Variants in PCDH9 observed in about 807,000 individuals in gnomAD.
PCDH9 encodes protocadherin-9.
In PCDH9, 24 loss-of-function variants were observed where a neutral mutation model predicts 70.6. The observed-to-expected ratio is 0.34, with a 90% CI of 0.25 to 0.48. The LOEUF is 0.48. Ranked by LOEUF, PCDH9 falls within the 20% of genes least tolerant of loss-of-function variation. The probability of loss-of-function intolerance (pLI) is 0.99; values close to 1 mark genes in which losing one functional copy is unlikely to be tolerated. For missense variants in PCDH9, 1,281 were observed against 1,503.6 expected (o/e 0.85, Z 2.45); for synonymous variants, 562 against 558.5 (o/e 1.01, Z -0.09).
At chr13:66,502,371 G>C (rs1959181155) in intron 4 of PCDH9, among the ~76,000 whole-genome samples, 1 of 152,070 alleles carries the variant, frequency 6.6e-6, no homozygotes, top group African/African-American at 2.4e-5. Context: ...GGGCAGAGCT[G>C]TTCCATATAA....
In PCDH9 at chr13:66,982,771, T is replaced by C. The variant is rs182737322; in HGVS notation, c.3037-79166A>G. On this transcript the variant is annotated intron_variant, in intron 2 of 4. Transcript: ENST00000377865. ...TTCTGGAAAAAGAGAAAACAACACC[T>C]GGATTCTTCAATCTCGCTGGCAACA... Among the ~76,000 whole-genome samples the C allele has an allele frequency of 2.8e-4, 43 of 152,328 alleles. No individual in the cohort carries two copies. In the Middle Eastern group the frequency reaches 0.017, roughly 60 times the overall value.
chr13:66,746,758 G>T (rs2079371161), intron 3 of PCDH9, among the ~76,000 whole-genome samples: 2 of 152,074 alleles, frequency 1.3e-5, no homozygotes, highest in Non-Finnish European at 2.9e-5. Context: ...TTTCACTACT[G>T]AAAGTCAAAT....
At chr13:66,326,069 C>A (rs1158090324) in intron 4 of PCDH9, among the ~76,000 whole-genome samples, 1 of 152,128 alleles carries the variant, frequency 6.6e-6, no homozygotes, top group East Asian at 1.9e-4. Flanking sequence ...AAAACTCCAA[C>A]CGCCTTGTTT....
intron 2 of PCDH9, among the ~76,000 whole-genome samples, chr13:67,000,153 T>C (rs2084209441): frequency 6.6e-6 from 1 of 152,034 alleles, no homozygotes; most frequent in Admixed American, 6.6e-5. Flanking sequence ...TATGCAGCCA[T>C]AAAAAATGAT....
chr13:66,320,685 G>A (rs1416740331), intron 4 of PCDH9, among the ~76,000 whole-genome samples: 1 of 151,780 alleles, frequency 6.6e-6, no homozygotes, highest in African/African-American at 2.4e-5. Context: ...TGTATCTTGG[G>A]AGAATCTGTA....
chr13:67,074,466 T>C (rs907047230), intron 2 of PCDH9, among the ~76,000 whole-genome samples: 9 of 152,158 alleles, frequency 5.9e-5, no homozygotes, highest in Non-Finnish European at 8.8e-5. Context: ...ATTTTTGTTA[T>C]AGCATCTGGG....
chr13:66,754,745 G>A (rs1442018), intron 3 of PCDH9, among the ~76,000 whole-genome samples: 68,247 of 151,774 alleles, frequency 0.45, 16,289 homozygotes, highest in African/African-American at 0.61. Flanking sequence ...AACTTTAGTC[G>A]TTCCTAGATC....
In PCDH9 at chr13:66,733,404, C is replaced by A. The variant is rs375541148; in HGVS notation, c.3139-101993G>T. Among the ~76,000 whole-genome samples the A allele has an allele frequency of 2.0e-4, 31 of 152,240 alleles. No individual in the cohort carries two copies. In the South Asian group the frequency reaches 2.7e-3, roughly 13 times the overall value. On this transcript the variant is annotated intron_variant, in intron 3 of 4. Transcript: ENST00000377865. ...TAATTATTTAGATCACCTTCCTCCACACTAATTATTTTTGATGGATAAATT... is the reference window on the plus strand; with the variant it reads ...TAATTATTTAGATCACCTTCCTCCAAACTAATTATTTTTGATGGATAAATT...
Position 66,932,764 on chromosome 13 carries a change from T to C in PCDH9, c.3037-29159A>G, listed in dbSNP as rs1428026408. Among the ~76,000 whole-genome samples, 11 of 150,386 alleles carry C rather than the reference T, an allele frequency of 7.3e-5. No homozygotes were observed. The South Asian group carries it at 2.1e-3, about 29-fold the overall frequency. ...ATATCATATAATGAACTTGCAAAGC[T>C]CTTTTAACTTATACATTACAAATTC... On this transcript the variant is annotated intron_variant, in intron 2 of 4. Transcript: ENST00000377865.
chr13:66,312,440 G>A (rs1955578216), intron 4 of PCDH9, among the ~76,000 whole-genome samples: 1 of 151,826 alleles, frequency 6.6e-6, no homozygotes, highest in African/African-American at 2.4e-5. Flanking sequence ...GTGAAACACC[G>A]GCTCTACAAA....
At chr13:67,013,795 C>T (rs1249632148) in intron 2 of PCDH9, among the ~76,000 whole-genome samples, 1 of 151,604 alleles carries the variant, frequency 6.6e-6, no homozygotes, top group Non-Finnish European at 1.5e-5. Context: ...TTGAGAAAAA[C>T]AGGTTTAACA....
chr13:66,707,651 T>C (rs1361822702), intron 3 of PCDH9, among the ~76,000 whole-genome samples: 1 of 152,180 alleles, frequency 6.6e-6, no homozygotes, highest in African/African-American at 2.4e-5. Flanking sequence ...AGATGACAAA[T>C]TAGCAGAAAT....
At chr13:66,330,165 TCA>T (rs1955918264) in intron 4 of PCDH9, among the ~76,000 whole-genome samples, 1 of 152,222 alleles carries the variant, frequency 6.6e-6, no homozygotes, top group Non-Finnish European at 1.5e-5. Context: ...AGAAGTCTGT[TCA>T]GTACTTATTT....
intron 3 of PCDH9, among the ~76,000 whole-genome samples, chr13:66,850,930 T>C (rs138008917): frequency 2.0e-4 from 31 of 152,330 alleles, no homozygotes; most frequent in African/African-American, 5.3e-4. Flanking sequence ...ATAGTGTACT[T>C]ACAGACAAGC....
intron 4 of PCDH9, chr13:66,323,412 T>C (rs1019721761): frequency 3.3e-5 from 5 of 152,124 alleles, no homozygotes; most frequent in Admixed American, 1.3e-4. Context: ...GAGTAAGTCG[T>C]TTATAGGCAA....
intron 4 of PCDH9, among the ~76,000 whole-genome samples, chr13:66,442,622 G>A (rs560643709): frequency 6.6e-6 from 1 of 151,334 alleles, no homozygotes; most frequent in African/African-American, 2.4e-5. Context: ...CTCACAGTAA[G>A]AACTAATAGT....
At chr13:66,865,572 T>G (rs914786307) in intron 3 of PCDH9, among the ~76,000 whole-genome samples, 1 of 152,196 alleles carries the variant, frequency 6.6e-6, no homozygotes, top group Non-Finnish European at 1.5e-5. Flanking sequence ...TATTAGATAA[T>G]AGACATTTGA....
chr13:66,786,076 AC>A (rs879625264), intron 3 of PCDH9, among the ~76,000 whole-genome samples: 1 of 152,100 alleles, frequency 6.6e-6, no homozygotes, highest in Admixed American at 6.6e-5. Flanking sequence ...GAATATCCAT[AC>A]TCATACTGTT....
chr13:66,738,884 T>C (rs2139194338), intron 3 of PCDH9, among the ~76,000 whole-genome samples: 1 of 149,140 alleles, frequency 6.7e-6, no homozygotes, highest in Non-Finnish European at 1.5e-5. Flanking sequence ...CTGAAAGTGA[T>C]GCGGAGAATG....
Sources: allele counts gnomAD v4.1 joint callset (sites outside exome capture counted in the v4.1 genomes callset), GRCh38; gene constraint gnomAD v4.1.1; transcripts MANE v1.5; gene names NCBI Gene and HGNC (gene_info 2026-07-23, HGNC 2026-07-21).